Variants in CNTNAP2 observed in about 807,000 individuals in gnomAD.
CNTNAP2 encodes the protein contactin associated protein 2.
Under a neutral mutation model 155.2 loss-of-function variants are expected in CNTNAP2, and 98 were observed. The ratio of observed to expected loss-of-function variants is 0.63; its 90% CI spans 0.54 to 0.75. CNTNAP2 has a LOEUF of 0.75. Among genes scored for constraint, CNTNAP2 ranks in the 30% least tolerant of loss-of-function variants. CNTNAP2 has a pLI of 0.00. For synonymous variants in CNTNAP2, 651 were observed against 631.2 expected (o/e 1.03, Z -0.47); for missense variants, 1,727 against 1,688.1 (o/e 1.02, Z -0.40).
intron 13 of CNTNAP2, among the ~76,000 whole-genome samples, chr7:147,789,188 T>G (rs1029725016): frequency 1.3e-5 from 2 of 152,140 alleles, no homozygotes; most frequent in Non-Finnish European, 2.9e-5. Context: ...ATTACAGGCG[T>G]GAGCCACCAC....
At chr7:147,746,765 A>G (rs1285868328) in intron 13 of CNTNAP2, among the ~76,000 whole-genome samples, 1 of 151,990 alleles carries the variant, frequency 6.6e-6, no homozygotes, top group African/African-American at 2.4e-5. Flanking sequence ...GGGTGAGAGA[A>G]CTCCGTTCTA....
At chr7:147,498,979 T>C (rs1798762654) in intron 11 of CNTNAP2, among the ~76,000 whole-genome samples, 1 of 152,208 alleles carries the variant, frequency 6.6e-6, no homozygotes, top group South Asian at 2.1e-4. Context: ...AAACTGTAAT[T>C]GTCATGCTGG....
intron 12 of CNTNAP2, among the ~76,000 whole-genome samples, chr7:147,580,223 A>G (rs1420692992): frequency 6.6e-6 from 1 of 152,132 alleles, no homozygotes; most frequent in African/African-American, 2.4e-5. Flanking sequence ...TCCTTCCCTC[A>G]AAGAAGACAA....
intron 13 of CNTNAP2, among the ~76,000 whole-genome samples, chr7:147,868,829 A>C (rs1413080555): frequency 6.6e-6 from 1 of 152,232 alleles, no homozygotes; most frequent in African/African-American, 2.4e-5. Flanking sequence ...CCTTGGGAAA[A>C]GTGCAGTATT....
At chr7:147,025,530 A>C (rs1246936169) in intron 3 of CNTNAP2, among the ~76,000 whole-genome samples, 2 of 113,814 alleles carry the variant, frequency 1.8e-5, no homozygotes, top group East Asian at 5.5e-4. Flanking sequence ...TGGGGAGGGG[A>C]GGGCAAGGGC....
chr7:147,926,245 C>T (rs1351390400), intron 14 of CNTNAP2, among the ~76,000 whole-genome samples: 2 of 152,124 alleles, frequency 1.3e-5, no homozygotes, highest in African/African-American at 2.4e-5. Context: ...CTCCCCACGC[C>T]TCATCCTCCA....
At chr7:147,819,364 T>G (rs1357940669) in intron 13 of CNTNAP2, among the ~76,000 whole-genome samples, 1 of 152,166 alleles carries the variant, frequency 6.6e-6, no homozygotes, top group Non-Finnish European at 1.5e-5. Flanking sequence ...GCTGAAAAGG[T>G]CTACCAGTCA....
intron 15 of CNTNAP2, among the ~76,000 whole-genome samples, chr7:147,984,824 C>T (rs1801588410): frequency 6.6e-6 from 1 of 152,102 alleles, no homozygotes; most frequent in Admixed American, 6.6e-5. Context: ...GTCAAAAGGA[C>T]TATTTACTGG....
intron 13 of CNTNAP2, among the ~76,000 whole-genome samples, chr7:147,780,080 A>G (rs1797641109): frequency 6.6e-6 from 1 of 152,204 alleles, no homozygotes; most frequent in Admixed American, 6.5e-5. Context: ...ATGTACAATT[A>G]TTTATCATCA....
intron 15 of CNTNAP2, among the ~76,000 whole-genome samples, chr7:148,052,515 T>C (rs1168464496): frequency 6.6e-6 from 1 of 152,240 alleles, no homozygotes; most frequent in African/African-American, 2.4e-5. Flanking sequence ...TGACAAGCAA[T>C]TTTGCAAGAC....
intron 1 of CNTNAP2, among the ~76,000 whole-genome samples, chr7:146,250,782 C>G (rs182673212): frequency 6.6e-6 from 1 of 152,156 alleles, no homozygotes; most frequent in African/African-American, 2.4e-5. Context: ...ATATTTGACG[C>G]CCTTAAATTT....
chr7:147,241,967 T>C (rs1297259334), intron 8 of CNTNAP2, among the ~76,000 whole-genome samples: 2 of 152,230 alleles, frequency 1.3e-5, no homozygotes, highest in African/African-American at 4.8e-5. Context: ...TAAAGCAGAA[T>C]GATGTATAAA....
chr7:146,582,070 C>T (rs1417152597), intron 1 of CNTNAP2, among the ~76,000 whole-genome samples: 18 of 152,082 alleles, frequency 1.2e-4, no homozygotes. Flanking sequence ...TAAAGAAGCC[C>T]TTTCTAGAAC....
chr7:147,008,609 C>T (rs35013414), intron 3 of CNTNAP2, among the ~76,000 whole-genome samples: 56,178 of 151,780 alleles, frequency 0.37, 10,605 homozygotes, highest in East Asian at 0.44. Flanking sequence ...CACGTAAGTA[C>T]GCCGTCATAA....
intron 3 of CNTNAP2, among the ~76,000 whole-genome samples, chr7:146,931,304 A>G (rs1200064604): frequency 6.6e-6 from 1 of 152,046 alleles, no homozygotes; most frequent in South Asian, 2.1e-4. Context: ...GCTCAACTAC[A>G]TGGAAACTGA....
chr7:147,662,496 A>C (rs1044421121), intron 13 of CNTNAP2, among the ~76,000 whole-genome samples: 2 of 152,242 alleles, frequency 1.3e-5, no homozygotes, highest in Admixed American at 1.3e-4. Context: ...ATAATTATCT[A>C]ACTTATAATT....
intron 1 of CNTNAP2, among the ~76,000 whole-genome samples, chr7:146,666,866 T>C (rs1242331001): frequency 6.6e-6 from 1 of 152,198 alleles, no homozygotes. Flanking sequence ...TTTGAGTTTT[T>C]TGTGTATTCT....
chr7:147,321,109 G>C (rs945787568), intron 9 of CNTNAP2, among the ~76,000 whole-genome samples: 1 of 152,168 alleles, frequency 6.6e-6, no homozygotes, highest in African/African-American at 2.4e-5. Context: ...ACTTACCTCT[G>C]TGTTCTGCCA....
chr7:146,453,386 G>C (rs1285568846), intron 1 of CNTNAP2, among the ~76,000 whole-genome samples: 5 of 152,144 alleles, frequency 3.3e-5, no homozygotes, highest in African/African-American at 1.2e-4. Flanking sequence ...ACTAAATGCT[G>C]CTCTGATCTC....
Sources: gnomAD v4.1 joint callset for allele counts (sites outside exome capture counted in the v4.1 genomes callset) on GRCh38, gnomAD v4.1.1 for gene constraint, MANE v1.5 for transcripts, NCBI Gene and HGNC (gene_info 2026-07-23, HGNC 2026-07-21) for gene names.